Variants in NINL observed in about 807,000 individuals in gnomAD.
The protein encoded by NINL is ninein like, also known as ninein-like protein.
NINL carries 153 observed loss-of-function variants against 160.3 expected under a neutral mutation model. The observed-to-expected ratio is 0.95, with a 90% CI of 0.84 to 1.09. NINL has a LOEUF of 1.09. Among genes scored for constraint, NINL ranks in the 50% least tolerant of loss-of-function variants. The pLI is 0.00. For missense variants in NINL, 1,829 were observed against 1,764.0 expected, an observed-to-expected ratio of 1.04 and a Z score of -0.66; for synonymous variants, 800 against 734.8, an observed-to-expected ratio of 1.09 and a Z score of -1.43.
intron 3 of NINL, 32 bp from the exon 4 acceptor site, chr20:25,513,038 CCT>C: frequency 6.3e-7 from 1 of 1,584,742 alleles, no homozygotes; most frequent in Non-Finnish European, 8.6e-7. Context: ...TGGTGGGGGT[CCT>C]TTATAGCAGT....
chr20:25,512,927 GTCACATAGCTCAGGCCGGC>G lies in NINL; in HGVS notation c.338_356del (p.Ser113ThrfsTer18). The G allele has an allele frequency of 6.2e-7, 1 of 1,614,180 alleles. No individual in the cohort carries two copies. The highest frequency in any genetic ancestry group is 8.5e-7 in the Non-Finnish European group (1 of 1,180,032). ...GCACGCGTCTGGCTTCTGTGGCAGC[GTCACATAGCTCAGGCCGGC>G]TCCGACGGCCATACCACTTAGAACC... On this transcript the variant is annotated frameshift_variant, in exon 4 of 24. Coordinates refer to ENST00000278886, the MANE Select transcript of NINL (RefSeq NM_025176.6). LOFTEE classifies it high-confidence loss of function.
chr20:25,500,759 G>A, intron 8 of NINL, 81 bp downstream of exon 8: 2 of 1,500,900 alleles, frequency 1.3e-6, no homozygotes, highest in Non-Finnish European at 1.8e-6. Flanking sequence ...CCCCTGGCTT[G>A]GGACGCTCCA....
chr20:25,499,009 T>G, intron 8 of NINL: 11 of 985,488 alleles, frequency 1.1e-5, no homozygotes, highest in African/African-American at 1.7e-5. Context: ...TTTTTCCGCC[T>G]TGGGTATTCC....
chr20:25,510,392 T>C (rs539173902), intron 5 of NINL, among the ~76,000 whole-genome samples: 1 of 152,340 alleles, frequency 6.6e-6, no homozygotes, highest in South Asian at 2.1e-4. Context: ...ACATCAGTAC[T>C]TGCAGACCAT....
chr20:25,551,382 T>TAAAAA (rs545637352), intron 1 of NINL, among the ~76,000 whole-genome samples: 1 of 122,466 alleles, frequency 8.2e-6, no homozygotes, highest in Non-Finnish European at 1.8e-5. Flanking sequence ...AATAAATAAA[T>TAAAAA]AAAAAAAAAA....
chr20:25,480,416 C>A (rs1407664431), intron 14 of NINL, 149 bp from the exon 15 acceptor site: 3 of 648,238 alleles, frequency 4.6e-6, no homozygotes, highest in African/African-American at 1.8e-5. Flanking sequence ...AAAGTCAGCA[C>A]TCGTCAGTAC....
At chr20:25,524,456 C>G (rs1025067252) in intron 2 of NINL, among the ~76,000 whole-genome samples, 1 of 152,184 alleles carries the variant, frequency 6.6e-6, no homozygotes, top group African/African-American at 2.4e-5. Context: ...ACACGCATGG[C>G]TATCCCAGGG....
At chr20:25,470,137 C>G (rs756387146) in intron 17 of NINL, 42 bp from the exon 18 acceptor site, 4 of 1,519,854 alleles carry the variant, frequency 2.6e-6, no homozygotes, top group Non-Finnish European at 3.7e-6. Context: ...ACTTGGGGAG[C>G]CACATGTGGT....
At chr20:25,499,086 C>T (rs577621645) in intron 8 of NINL, 65 of 985,472 alleles carry the variant, frequency 6.6e-5, no homozygotes, top group East Asian at 3.4e-4. Flanking sequence ...CATGGCAGGG[C>T]GGCTGAAGCA....
chr20:25,455,642 G>T, intron 23 of NINL, 31 bp downstream of exon 23: 1 of 1,516,910 alleles, frequency 6.6e-7, no homozygotes, highest in Non-Finnish European at 9.2e-7. Flanking sequence ...AAGAGGACGT[G>T]AACACGAAAG....
intron 1 of NINL, chr20:25,540,018 T>G (rs2064634952): frequency 1.6e-6 from 2 of 1,288,516 alleles, no homozygotes; most frequent in Non-Finnish European, 2.0e-6. Flanking sequence ...TACACACTGT[T>G]TACCTGCGCA....
In NINL at chr20:25,476,549, C is replaced by G. The variant is rs1423010241; in HGVS notation, c.2742G>C (p.Val914=). 1 of 1,600,096 alleles carries G rather than the reference C, an allele frequency of 6.2e-7. No homozygotes were observed. The highest frequency in any genetic ancestry group is 1.7e-5 in the Admixed American group (1 of 59,980). ...ERWSRMQPCG[V]DGDIVPKEPE... ...GCTCCTTTGGGACAATATCCCCATCCACTCCACAGGGCTGCATGCGTGACC... is the reference window on the plus strand; with the variant it reads ...GCTCCTTTGGGACAATATCCCCATCGACTCCACAGGGCTGCATGCGTGACC... Residue 914 remains valine, a synonymous_variant, in exon 17 of 24, where the codon GTG becomes GTC. Coordinates refer to ENST00000278886, the MANE Select transcript of NINL (RefSeq NM_025176.6).
chr20:25,462,492 T>G lies in NINL; in HGVS notation c.3473A>C (p.Gln1158Pro), dbSNP rs1341644144. ...QLSQLNVRVL[Q>P]LGQEASTHQA... Reference sequence around the variant, plus strand: ...GTGGGTAGAAGCCTCCTGTCCCAGTTGAAGAACCCTGACATTGAGCTGGGA... The same window carrying G: ...GTGGGTAGAAGCCTCCTGTCCCAGTGGAAGAACCCTGACATTGAGCTGGGA... Residue 1158 changes from glutamine to proline, a missense_variant, in exon 20 of 24, where the codon CAA (glutamine) becomes CCA (proline). Physicochemically the swap from Gln to Pro is moderately conservative, Grantham distance 76. Transcript: ENST00000278886. 1.9e-6 allele frequency: 3 copies of G among 1,614,098 alleles called. No individual in the cohort carries two copies. Among genetic ancestry groups the G allele is most frequent in the Non-Finnish European group, 2.5e-6 (3 of 1,180,042 alleles).
At chr20:25,524,828 G>A (rs2064327195) in intron 2 of NINL, among the ~76,000 whole-genome samples, 1 of 151,484 alleles carries the variant, frequency 6.6e-6, no homozygotes, top group South Asian at 2.1e-4. Flanking sequence ...TTTTGGTTTT[G>A]AATTTTCCAA....
Position 25,531,101 on chromosome 20 carries a change from G to A in NINL, c.-11-4503C>T, listed in dbSNP as rs188974248. 3.9e-5 allele frequency among the ~76,000 whole-genome samples: 6 copies of A among 152,260 alleles called. No individual in the cohort carries two copies. The East Asian group carries it at 1.2e-3, about 29-fold the overall frequency. ...CTCAGGGACGCATTCTCTTTCTCAG[G>A]GATGTTCCTTGCTGAGAAAAAGAAT... On this transcript the variant is annotated intron_variant, in intron 1 of 23. Transcript: ENST00000278886.
intron 10 of NINL, among the ~76,000 whole-genome samples, chr20:25,495,201 G>A (rs1490006696): frequency 6.6e-6 from 1 of 152,138 alleles, no homozygotes; most frequent in Non-Finnish European, 1.5e-5. Flanking sequence ...GATGCTCAGG[G>A]CTTCTTTGGT....
At position 25,476,108 on chromosome 20, in the gene NINL, T is replaced by C. The variant is rs777983268; in HGVS notation, c.3183A>G (p.Lys1061=). 6.2e-7 allele frequency: 1 copy of C among 1,614,246 alleles called. No homozygotes were observed. The highest frequency in any genetic ancestry group is 8.5e-7 in the Non-Finnish European group (1 of 1,180,042). The stretch of plus-strand genomic sequence containing the variant: ...GGACGACGTCTTCCAGATGTAGAAG[T>C]TTGGTTTCCATGTCATCCTTCTCTC... The part of the protein sequence containing the change: ...LEREKDDMET[K]LLHLEDVVRA... Residue 1061 remains lysine (K), a synonymous_variant, in exon 17 of 24, where the codon AAA becomes AAG. Coordinates refer to ENST00000278886, the MANE Select transcript of NINL (RefSeq NM_025176.6).
Position 25,504,915 on chromosome 20 carries a change from G to A in NINL, c.681C>T (p.Ser227=), listed in dbSNP as rs531718019. The change falls in exon 6 of 24, where the codon AGC becomes AGT. Residue 227 remains serine, a synonymous_variant. Coordinates refer to ENST00000278886, the MANE Select transcript of NINL (RefSeq NM_025176.6). The part of the protein sequence containing the change: ...SEQELAVVCQ[S]VGLQGLEKEE... ...CTTTCTCGAGTCCCTGGAGCCCGAC[G>A]CTCTGGCAGACCACAGCCAGCTCCT... 6 of 1,611,644 alleles carry A rather than the reference G, an allele frequency of 3.7e-6. No individual in the cohort carries two copies. The African/African-American group carries it at 4.0e-5, about 11-fold the overall frequency.
In NINL at chr20:25,453,382, A is replaced by C; in HGVS notation, c.*69T>G. 1.4e-6 allele frequency: 2 copies of C among 1,406,774 alleles called. No individual in the cohort carries two copies. Among genetic ancestry groups the C allele is most frequent in the Non-Finnish European group, 2.0e-6 (2 of 1,023,772 alleles). The allele number at this position is 1,406,774 out of a possible 1,614,324, so 87.1% of individuals were successfully genotyped here. A position where few individuals can be genotyped will look rare whatever the true frequency, so the allele number is the denominator to read the frequency against. On this transcript the variant is annotated 3_prime_UTR_variant, in exon 24 of 24. Transcript: ENST00000278886. ...GGACTCATGGCTCATGACCCACGGA[A>C]TCTAAGGCAGCACAGTGGCTTAATT... is the stretch of plus-strand genomic sequence containing the variant.
Sources: gnomAD v4.1 joint callset for allele counts (sites outside exome capture counted in the v4.1 genomes callset) on GRCh38, gnomAD v4.1.1 for gene constraint, MANE v1.5 for transcripts, NCBI Gene and HGNC (gene_info 2026-07-23, HGNC 2026-07-21) for gene names.